PLS3: variants seen among roughly 807,000 people sequenced by gnomAD.
PLS3 encodes the protein plastin 3.
PLS3 carries 11 observed loss-of-function variants against 46.5 expected under a neutral mutation model. That is an observed-to-expected ratio of 0.24 (90% CI 0.15 to 0.39). PLS3 has a LOEUF of 0.39. PLS3 is among the 10% of genes least tolerant of loss of function. The pLI is 1.00. For synonymous variants in PLS3, 167 were observed against 162.2 expected, an observed-to-expected ratio of 1.03 and a Z score of -0.22; for missense variants, 308 against 461.8, an observed-to-expected ratio of 0.67 and a Z score of 3.05.
intron 8 of PLS3, chrX:115,639,983 T>C (rs1249671377): frequency 6.5e-6 from 3 of 464,973 alleles, no homozygotes; most frequent in Non-Finnish European, 1.1e-5. Flanking sequence ...ATAGCTAATC[T>C]CTTCTTCGTA....
intron 1 of PLS3, among the ~76,000 whole-genome samples, chrX:115,561,743 C>T (rs1040278721): frequency 2.7e-5 from 3 of 110,712 alleles, no homozygotes; most frequent in Non-Finnish European, 5.7e-5. Flanking sequence ...GCCTGCTACT[C>T]CTCCAGCCCC....
intron 2 of PLS3, among the ~76,000 whole-genome samples, chrX:115,614,901 A>G (rs1416177517): frequency 8.9e-6 from 1 of 111,903 alleles, no homozygotes; most frequent in East Asian, 2.8e-4. Context: ...TTTCTTCTTT[A>G]AGTCCTAATG....
At chrX:115,624,904 G>A (rs782613760) in intron 3 of PLS3, among the ~76,000 whole-genome samples, 57 of 111,902 alleles carry the variant, frequency 5.1e-4, no homozygotes, top group Non-Finnish European at 7.7e-4. Flanking sequence ...GAAAAAGGAA[G>A]TGACTTTTCC....
intron 8 of PLS3, chrX:115,639,824 T>A (rs1556640767): frequency 2.4e-6 from 1 of 410,812 alleles, no homozygotes; most frequent in African/African-American, 2.4e-5. Context: ...AACATTCAAG[T>A]GATTTAGTCC....
intron 2 of PLS3, among the ~76,000 whole-genome samples, chrX:115,611,640 T>C (rs1247151103): frequency 8.9e-6 from 1 of 111,946 alleles, no homozygotes; most frequent in Non-Finnish European, 1.9e-5. Context: ...TAAGTACTCA[T>C]CTCCTCAAGT....
chrX:115,562,684 G>C (rs914606042), intron 1 of PLS3: 1 of 111,731 alleles, frequency 9.0e-6, no homozygotes, highest in Non-Finnish European at 1.9e-5. Flanking sequence ...TCGAGATGCA[G>C]TTCATGGTGA....
rs2074992378 is a variant in PLS3 at position 115,650,574 on chromosome X, G to A, written c.*1013G>A. On this transcript the variant is annotated 3_prime_UTR_variant, in exon 16 of 16. Coordinates refer to ENST00000355899, the MANE Select transcript of PLS3 (RefSeq NM_005032.7). ...TAATGTACTCTTGCTTTGTCAAGCT[G>A]TTTGCTATAGTTTCCAAGGTATTAT... 8.9e-6 allele frequency: 1 copy of A among 112,182 alleles called. No individual in the cohort carries two copies. Among genetic ancestry groups the A allele is most frequent in the South Asian group, 3.7e-4 (1 of 2,709 alleles). 9.2% of individuals were successfully genotyped at this position (112,182 alleles called of 1,213,427 possible).
chrX:115,582,077 A>G (rs1044170994), intron 1 of PLS3, among the ~76,000 whole-genome samples: 1 of 112,454 alleles, frequency 8.9e-6, no homozygotes, highest in Non-Finnish European at 1.9e-5. Flanking sequence ...CTTTCTTCAC[A>G]TATAATTTAT....
At chrX:115,567,625 A>AC (rs1245923243) in intron 1 of PLS3, among the ~76,000 whole-genome samples, 2 of 110,074 alleles carry the variant, frequency 1.8e-5, no homozygotes, top group African/African-American at 6.6e-5. Context: ...AAACAAACAA[A>AC]AAAAAACAGA....
chrX:115,582,478 G>A (rs955901894), intron 1 of PLS3, among the ~76,000 whole-genome samples: 1 of 112,014 alleles, frequency 8.9e-6, no homozygotes, highest in Non-Finnish European at 1.9e-5. Flanking sequence ...TTCCCTCCTC[G>A]AAGTCATACA....
At chrX:115,647,389 G>A (rs1397555955) in intron 13 of PLS3, among the ~76,000 whole-genome samples, 161 bp from the exon 14 acceptor site, 1 of 112,254 alleles carries the variant, frequency 8.9e-6, no homozygotes, top group East Asian at 2.8e-4. Context: ...GCAGGAGATT[G>A]CGCCACTGCA....
At chrX:115,578,459 C>T (rs181850951) in intron 1 of PLS3, among the ~76,000 whole-genome samples, 227 of 111,372 alleles carry the variant, frequency 2.0e-3, no homozygotes, top group African/African-American at 7.1e-3. Context: ...GGCGTGGTGG[C>T]TCACGCCTGT....
chrX:115,569,306 A>G (rs1242693276), intron 1 of PLS3, among the ~76,000 whole-genome samples: 1 of 111,400 alleles, frequency 9.0e-6, no homozygotes, highest in Admixed American at 9.6e-5. Context: ...TATGTTTAAT[A>G]TTATTATAAA....
chrX:115,650,262 ACCT>A lies in PLS3; in HGVS notation c.*702_*704del, dbSNP rs2074989762. The A allele has an allele frequency of 8.0e-5, 9 of 111,870 alleles. No homozygotes were observed. The highest frequency in any genetic ancestry group is 5.8e-4 in the Admixed American group (6 of 10,382). 9.2% of individuals were successfully genotyped at this position (111,870 alleles called of 1,213,427 possible). ...TACATCGTAGCTAGAAGAAAAATGT[ACCT>A]TAAATTTGCATCTTCCCTCTCATAC... On this transcript the variant is annotated 3_prime_UTR_variant, in exon 16 of 16. Coordinates refer to ENST00000355899, the MANE Select transcript of PLS3 (RefSeq NM_005032.7).
chrX:115,638,963 C>A (rs1443003481), intron 8 of PLS3, among the ~76,000 whole-genome samples: 2 of 111,028 alleles, frequency 1.8e-5, no homozygotes, highest in Admixed American at 1.9e-4. Flanking sequence ...ATCTGCCTAC[C>A]TCGGCCTCCC....
At chrX:115,569,275 C>T (rs1336488072) in intron 1 of PLS3, among the ~76,000 whole-genome samples, 1 of 110,426 alleles carries the variant, frequency 9.1e-6, no homozygotes, top group Admixed American at 9.8e-5. Flanking sequence ...AAGGGAGACA[C>T]GTTTGTTTTT....
intron 1 of PLS3, among the ~76,000 whole-genome samples, chrX:115,582,859 C>T (rs1290672171): frequency 1.8e-5 from 2 of 111,854 alleles, no homozygotes; most frequent in Non-Finnish European, 3.8e-5. Flanking sequence ...GGCAACGTGG[C>T]GAAAGCCCGT....
intron 1 of PLS3, among the ~76,000 whole-genome samples, chrX:115,582,360 G>A (rs2074283972): frequency 8.9e-6 from 1 of 112,035 alleles, no homozygotes; most frequent in African/African-American, 3.2e-5. Flanking sequence ...GACTTTAGCT[G>A]TACCAGGTAA....
Position 115,634,991 on chromosome X carries a change from T to A in PLS3, c.693T>A (p.Leu231=), listed in dbSNP as rs1048749368. 9.9e-6 allele frequency: 12 copies of A among 1,208,735 alleles called. No individual in the cohort carries two copies. The highest frequency in any genetic ancestry group is 2.2e-5 in the Admixed American group (1 of 45,594). ...AACCTCATCTGGTTTTGGGACTGCT[T>A]TGGCAGATCATTAAGATCGGTTTGT... is the stretch of plus-strand genomic sequence containing the variant. ...AGKPHLVLGL[L]WQIIKIGLFA... Residue 231 remains leucine (L), a synonymous_variant, in exon 7 of 16, where the codon CTT becomes CTA. Coordinates refer to ENST00000355899, the MANE Select transcript of PLS3 (RefSeq NM_005032.7).
Sources: gnomAD v4.1 joint callset for allele counts (sites outside exome capture counted in the v4.1 genomes callset) on GRCh38, gnomAD v4.1.1 for gene constraint, MANE v1.5 for transcripts, NCBI Gene and HGNC (gene_info 2026-07-23, HGNC 2026-07-21) for gene names.